Variants in SUCLG2 observed in about 807,000 individuals in gnomAD.
SUCLG2 encodes the protein succinate--CoA ligase [GDP-forming] subunit beta, mitochondrial.
SUCLG2 carries 42 observed loss-of-function variants against 47.9 expected under a neutral mutation model. The ratio of observed to expected loss-of-function variants is 0.88; its 90% confidence interval spans 0.69 to 1.14. SUCLG2 has a LOEUF of 1.14. SUCLG2 is among the 50% of genes most tolerant of loss of function. The pLI, the probability that SUCLG2 is intolerant of heterozygous loss-of-function variation, is 0.00. For missense variants in SUCLG2, 571 were observed against 525.9 expected (o/e 1.09, Z -0.84); for synonymous variants, 195 against 197.3 (o/e 0.99, Z 0.10).
At chr3:67,360,953 G>A (rs200947806) in intron 10 of SUCLG2, among the ~76,000 whole-genome samples, 2 of 152,060 alleles carry the variant, frequency 1.3e-5, no homozygotes, top group East Asian at 1.9e-4. Context: ...TCTCTCTCTC[G>A]TTTATTGGGA....
intron 7 of SUCLG2, among the ~76,000 whole-genome samples, chr3:67,502,302 C>T (rs1194467406): frequency 2.0e-5 from 3 of 152,124 alleles, no homozygotes; most frequent in African/African-American, 7.2e-5. Flanking sequence ...ATACATAGTA[C>T]CAAACAAACA....
intron 9 of SUCLG2, among the ~76,000 whole-genome samples, chr3:67,451,634 C>T (rs1575705449): frequency 6.6e-6 from 1 of 151,790 alleles, no homozygotes; most frequent in Non-Finnish European, 1.5e-5. Context: ...TTCATAGATA[C>T]AAATTTTCAT....
chr3:67,414,297 G>T (rs1228385353), intron 9 of SUCLG2, among the ~76,000 whole-genome samples: 1 of 152,224 alleles, frequency 6.6e-6, no homozygotes, highest in African/African-American at 2.4e-5. Flanking sequence ...TGCCTTGGCA[G>T]ATTTGAGAAC....
At chr3:67,526,985 A>C (rs534884219) in intron 4 of SUCLG2, among the ~76,000 whole-genome samples, 1 of 152,362 alleles carries the variant, frequency 6.6e-6, no homozygotes, top group South Asian at 2.1e-4. Flanking sequence ...CATATCATAG[A>C]TTGCTACATA....
At chr3:67,465,254 A>G (rs184849536) in intron 9 of SUCLG2, among the ~76,000 whole-genome samples, 20 of 152,286 alleles carry the variant, frequency 1.3e-4, no homozygotes, top group African/African-American at 4.3e-4. Context: ...AATTTTATCC[A>G]GAATGAATTC....
Position 67,609,611 on chromosome 3 carries a change from G to A in SUCLG2, c.85-15C>T. On this transcript the variant is annotated splice_polypyrimidine_tract_variant and intron_variant, in intron 1 of 10. Transcript: ENST00000307227. Reference sequence around the variant, plus strand: ...AATTGAACTGCCTACAGAAATTGAAGGAGAGAGGTAAGAACATTCATTAAT... The same window carrying A: ...AATTGAACTGCCTACAGAAATTGAAAGAGAGAGGTAAGAACATTCATTAAT... The A allele has an allele frequency of 6.2e-7, 1 of 1,611,358 alleles. No homozygotes were observed.
intron 2 of SUCLG2, among the ~76,000 whole-genome samples, chr3:67,548,814 A>G (rs1706933750): frequency 1.3e-5 from 2 of 152,218 alleles, no homozygotes; most frequent in South Asian, 4.1e-4. Context: ...TATACACCTT[A>G]GCACAAAGCG....
intron 2 of SUCLG2, among the ~76,000 whole-genome samples, chr3:67,568,676 A>G (rs1422251554): frequency 6.6e-6 from 1 of 152,148 alleles, no homozygotes; most frequent in Non-Finnish European, 1.5e-5. Flanking sequence ...TCACGAGGTC[A>G]GGAGATCGAG....
chr3:67,608,894 C>T (rs1700477134), intron 2 of SUCLG2, among the ~76,000 whole-genome samples: 1 of 152,056 alleles, frequency 6.6e-6, no homozygotes, highest in Non-Finnish European at 1.5e-5. Flanking sequence ...CCAGGCTGGT[C>T]TCAAACTCCT....
intron 2 of SUCLG2, among the ~76,000 whole-genome samples, chr3:67,609,117 G>A (rs1267587087): frequency 2.6e-5 from 4 of 152,190 alleles, no homozygotes; most frequent in Admixed American, 6.5e-5. Flanking sequence ...GGTGTGCCAG[G>A]GAAGAAAGGC....
At chr3:67,608,604 C>T (rs1267065847) in intron 2 of SUCLG2, among the ~76,000 whole-genome samples, 1 of 151,890 alleles carries the variant, frequency 6.6e-6, no homozygotes. Flanking sequence ...AATGCTCATA[C>T]TGTAAGAATT....
chr3:67,414,819 G>A (rs1458935320), intron 9 of SUCLG2, among the ~76,000 whole-genome samples: 1 of 151,976 alleles, frequency 6.6e-6, no homozygotes, highest in African/African-American at 2.4e-5. Flanking sequence ...TCTAACTTTT[G>A]GATTTTCCCA....
At chr3:67,645,401 A>G (rs890701912) in intron 1 of SUCLG2, among the ~76,000 whole-genome samples, 1 of 152,146 alleles carries the variant, frequency 6.6e-6, no homozygotes, top group African/African-American at 2.4e-5. Context: ...GACAAGTCAC[A>G]AGCCTTCTGC....
chr3:67,442,237 C>G lies in SUCLG2; in HGVS notation c.1063-41386G>C, dbSNP rs1703784466. 2.6e-5 allele frequency among the ~76,000 whole-genome samples: 4 copies of G among 152,044 alleles called. No homozygotes were observed. The South Asian group carries it at 6.2e-4, about 24-fold the overall frequency. On this transcript the variant is annotated intron_variant, in intron 9 of 10. Coordinates refer to ENST00000307227, the MANE Select transcript of SUCLG2 (RefSeq NM_003848.4). Reference sequence around the variant, plus strand: ...GTTTTAGCCGGGATGGTCTCGATCTCCTGACCTCGTGATCCGCCCGCCTCG... The same window carrying G: ...GTTTTAGCCGGGATGGTCTCGATCTGCTGACCTCGTGATCCGCCCGCCTCG...
At chr3:67,645,240 A>C (rs1701170320) in intron 1 of SUCLG2, among the ~76,000 whole-genome samples, 1 of 152,202 alleles carries the variant, frequency 6.6e-6, no homozygotes, top group Admixed American at 6.5e-5. Flanking sequence ...ATAGTCATAA[A>C]AGCTATTTTA....
intron 1 of SUCLG2, among the ~76,000 whole-genome samples, chr3:67,638,220 G>A (rs972214101): frequency 6.6e-6 from 1 of 152,166 alleles, no homozygotes; most frequent in Non-Finnish European, 1.5e-5. Flanking sequence ...GAAGATAAAT[G>A]ATAGATAATG....
At chr3:67,493,261 C>T (rs1344239793) in intron 9 of SUCLG2, among the ~76,000 whole-genome samples, 1 of 152,162 alleles carries the variant, frequency 6.6e-6, no homozygotes, top group Admixed American at 6.5e-5. Flanking sequence ...ATACTCATTA[C>T]ATTTCTATGT....
intron 2 of SUCLG2, among the ~76,000 whole-genome samples, chr3:67,586,056 G>A (rs549394082): frequency 2.7e-5 from 4 of 148,034 alleles, no homozygotes; most frequent in Admixed American, 1.3e-4. Flanking sequence ...CTCCACATTT[G>A]TAAAATAATG....
chr3:67,396,211 C>CA (rs1297660083), intron 10 of SUCLG2, among the ~76,000 whole-genome samples: 1 of 151,960 alleles, frequency 6.6e-6, no homozygotes, highest in Admixed American at 6.6e-5. Flanking sequence ...AAAAACCCTT[C>CA]AAAAAATGAA....
Sources: allele counts gnomAD v4.1 joint callset (sites outside exome capture counted in the v4.1 genomes callset), GRCh38; gene constraint gnomAD v4.1.1; transcripts MANE v1.5; gene names NCBI Gene and HGNC (gene_info 2026-07-23, HGNC 2026-07-21).